PLCB4: variants seen among roughly 807,000 people sequenced by gnomAD.
The protein encoded by PLCB4 is 1-phosphatidylinositol 4,5-bisphosphate phosphodiesterase beta-4.
A neutral mutation model predicts 178.8 loss-of-function variants in PLCB4; 77 were observed. The observed-to-expected ratio is 0.43, with a 90% confidence interval of 0.36 to 0.52. The LOEUF is 0.52. Ranked by LOEUF, PLCB4 falls within the 20% of genes least tolerant of loss-of-function variation. The pLI, the probability that PLCB4 is intolerant of heterozygous loss-of-function variation, is 0.00. For missense variants in PLCB4, 1,024 were observed against 1,453.4 expected, an observed-to-expected ratio of 0.70 and a Z score of 4.80; for synonymous variants, 496 against 490.8, an observed-to-expected ratio of 1.01 and a Z score of -0.14.
At chr20:9,357,472 T>A (rs1392289861) in intron 7 of PLCB4, among the ~76,000 whole-genome samples, 1 of 152,146 alleles carries the variant, frequency 6.6e-6, no homozygotes, top group Non-Finnish European at 1.5e-5. Context: ...CTGTGTGTAG[T>A]CACTCTCAGA....
intron 2 of PLCB4, among the ~76,000 whole-genome samples, chr20:9,213,481 T>G (rs1348007491): frequency 6.6e-6 from 1 of 152,202 alleles, no homozygotes; most frequent in Admixed American, 6.5e-5. Context: ...CACGTAGTCA[T>G]GTGTATCTGT....
chr20:9,241,904 T>C (rs6133686), intron 3 of PLCB4, among the ~76,000 whole-genome samples: 14,585 of 152,192 alleles, frequency 0.096, 1,212 homozygotes, highest in East Asian at 0.32. Context: ...GGTCAGCTAG[T>C]GGGTCAGTTG....
intron 2 of PLCB4, among the ~76,000 whole-genome samples, chr20:9,195,861 C>T (rs1458385243): frequency 6.6e-6 from 1 of 152,152 alleles, no homozygotes; most frequent in African/African-American, 2.4e-5. Flanking sequence ...CAGTCTCAGA[C>T]AACTGGCTTC....
At chr20:9,310,206 A>G (rs1451375134) in intron 4 of PLCB4, among the ~76,000 whole-genome samples, 3 of 152,184 alleles carry the variant, frequency 2.0e-5, no homozygotes, top group African/African-American at 4.8e-5. Flanking sequence ...GTTCGTTTCT[A>G]TGGTTGGTAC....
chr20:9,324,779 A>G (rs1369992454), intron 4 of PLCB4, among the ~76,000 whole-genome samples: 2 of 152,188 alleles, frequency 1.3e-5, no homozygotes, highest in Admixed American at 6.5e-5. Flanking sequence ...AGTGGGGACT[A>G]TGTATCTTCA....
chr20:9,351,873 G>A (rs1602037844), intron 7 of PLCB4, among the ~76,000 whole-genome samples: 2 of 152,294 alleles, frequency 1.3e-5, no homozygotes, highest in East Asian at 3.9e-4. Flanking sequence ...ATTGTCAACA[G>A]GTACCTGTCA....
chr20:9,343,316 A>G (rs1027591572), intron 7 of PLCB4, among the ~76,000 whole-genome samples: 7 of 152,146 alleles, frequency 4.6e-5, no homozygotes, highest in African/African-American at 1.7e-4. Context: ...TGTCTTTTAT[A>G]CCAAGGACCA....
intron 2 of PLCB4, among the ~76,000 whole-genome samples, chr20:9,158,576 CG>C (rs1478756305): frequency 8.0e-5 from 12 of 149,106 alleles, no homozygotes; most frequent in African/African-American, 2.2e-4. Context: ...GCCACTCTCA[CG>C]TTTTTTTTTT....
At chr20:9,113,811 AAT>A (rs2091678567) in intron 2 of PLCB4, among the ~76,000 whole-genome samples, 1 of 152,182 alleles carries the variant, frequency 6.6e-6, no homozygotes, top group Non-Finnish European at 1.5e-5. Context: ...CGTCCCTATT[AAT>A]AGAATGCCAA....
intron 4 of PLCB4, among the ~76,000 whole-genome samples, chr20:9,321,295 A>G (rs763398503): frequency 6.6e-6 from 1 of 152,186 alleles, no homozygotes; most frequent in Non-Finnish European, 1.5e-5. Flanking sequence ...AGCGTCCAGA[A>G]CTAATGTATT....
intron 32 of PLCB4, among the ~76,000 whole-genome samples, chr20:9,451,358 A>G (rs867470434): frequency 2.4e-4 from 36 of 152,332 alleles, no homozygotes; most frequent in Middle Eastern, 6.8e-3. Flanking sequence ...ATTTAAAGAA[A>G]TAGCCTTCAC....
At chr20:9,427,553 C>T (rs1365893703) in intron 28 of PLCB4, among the ~76,000 whole-genome samples, 1 of 152,160 alleles carries the variant, frequency 6.6e-6, no homozygotes, top group Non-Finnish European at 1.5e-5. Context: ...TTGTCAAATC[C>T]AATGAGACTC....
chr20:9,464,112 A>G (rs537832564), intron 35 of PLCB4, among the ~76,000 whole-genome samples: 2 of 152,352 alleles, frequency 1.3e-5, no homozygotes, highest in South Asian at 2.1e-4. Flanking sequence ...ATTAGAACTC[A>G]GGATTAAGAA....
chr20:9,126,550 A>C (rs2092119392), intron 2 of PLCB4, among the ~76,000 whole-genome samples: 1 of 152,196 alleles, frequency 6.6e-6, no homozygotes, highest in Non-Finnish European at 1.5e-5. Context: ...TTACTTTGGT[A>C]GTGAATTTTG....
Position 9,421,277 on chromosome 20 carries a change from T to G in PLCB4, c.2155-20T>G. 1.9e-6 allele frequency: 3 copies of G among 1,592,240 alleles called. No homozygotes were observed. The highest frequency in any genetic ancestry group is 2.6e-6 in the Non-Finnish European group (3 of 1,164,158). ...TTACACAGAGCTTACTTCTCTTTGCTCTCGTTCGTGCTGCTACAGGTTATA... is the reference window on the plus strand; with the variant it reads ...TTACACAGAGCTTACTTCTCTTTGCGCTCGTTCGTGCTGCTACAGGTTATA... On this transcript the variant is annotated intron_variant, in intron 26 of 39. Transcript: ENST00000378473.
intron 12 of PLCB4, among the ~76,000 whole-genome samples, chr20:9,375,030 T>C (rs1416446555): frequency 6.6e-6 from 1 of 152,138 alleles, no homozygotes; most frequent in Non-Finnish European, 1.5e-5. Context: ...CTAGATTTCT[T>C]TAGGTCATAG....
chr20:9,473,275 G>A lies in PLCB4; in HGVS notation c.3409-4G>A, dbSNP rs757747030. ...CAGAATTTTTTTTTTTTTTTTTTTT[G>A]CAGCTTGCCATGAAGCAGTCCAAAG... On this transcript the variant is annotated splice_polypyrimidine_tract_variant and splice_region_variant and intron_variant, in intron 37 of 39. Coordinates refer to ENST00000378473, the MANE Select transcript of PLCB4 (RefSeq NM_001377142.1). The A allele has an allele frequency of 4.5e-6, 4 of 898,698 alleles. No individual in the cohort carries two copies. Among genetic ancestry groups the A allele is most frequent in the South Asian group, 6.6e-5 (2 of 30,310 alleles). The allele number at this position is 898,698 out of a possible 1,614,324, so 55.7% of individuals were successfully genotyped here. A position where few individuals can be genotyped will look rare whatever the true frequency, so the allele number is the denominator to read the frequency against.
At chr20:9,330,236 C>T (rs1013031587) in intron 4 of PLCB4, among the ~76,000 whole-genome samples, 2 of 152,130 alleles carry the variant, frequency 1.3e-5, no homozygotes, top group African/African-American at 4.8e-5. Flanking sequence ...CCATCATTCT[C>T]CCTGGTTTAT....
intron 33 of PLCB4, among the ~76,000 whole-genome samples, chr20:9,455,371 A>G (rs1384595469): frequency 6.6e-6 from 1 of 152,224 alleles, no homozygotes; most frequent in Non-Finnish European, 1.5e-5. Context: ...TTTCTTTGCT[A>G]AAAATAATAT....
Sources: allele counts gnomAD v4.1 joint callset (sites outside exome capture counted in the v4.1 genomes callset), GRCh38; gene constraint gnomAD v4.1.1; transcripts MANE v1.5; gene names NCBI Gene and HGNC (gene_info 2026-07-23, HGNC 2026-07-21).